Variants in MAP1LC3A observed in about 807,000 individuals in gnomAD.
MAP1LC3A encodes microtubule-associated protein 1 light chain 3 alpha.
In MAP1LC3A, 10 loss-of-function variants were observed where a neutral mutation model predicts 15.2. The ratio of observed to expected loss-of-function variants is 0.66; its 90% CI spans 0.41 to 1.12. MAP1LC3A has a LOEUF of 1.12. Ranked by LOEUF, MAP1LC3A falls within the 50% of genes most tolerant of loss-of-function variation. The probability of loss-of-function intolerance (pLI) is 0.00; values close to 1 mark genes in which losing one functional copy is unlikely to be tolerated. For missense variants in MAP1LC3A, 138 were observed against 167.3 expected, an observed-to-expected ratio of 0.82 and a Z score of 0.97; for synonymous variants, 63 against 64.3, an observed-to-expected ratio of 0.98 and a Z score of 0.10.
intron 1 of MAP1LC3A, among the ~76,000 whole-genome samples, chr20:34,548,408 G>A (rs189704692): frequency 4.3e-4 from 66 of 152,330 alleles, no homozygotes; most frequent in Middle Eastern, 3.4e-3. Flanking sequence ...TTGAGGTCAC[G>A]GAGGGAGAAG....
chr20:34,548,249 C>T (rs1187932688), intron 1 of MAP1LC3A, among the ~76,000 whole-genome samples: 1 of 152,206 alleles, frequency 6.6e-6, no homozygotes, highest in African/African-American at 2.4e-5. Flanking sequence ...GACCTGACAG[C>T]TGGAAGCCAA....
At chr20:34,558,554 CG>C, upstream of MAP1LC3A, 1 of 1,157,178 alleles carries the variant, frequency 8.6e-7, no homozygotes, top group African/African-American at 1.6e-5. The surrounding 1 kb of genome is among the most constrained non-coding windows in gnomAD (Gnocchi z 4.3). Flanking sequence ...CATGACGTCA[CG>C]GGACTGTGAC....
At chr20:34,550,400 A>G (rs1422410715) in intron 2 of MAP1LC3A, among the ~76,000 whole-genome samples, 1 of 152,188 alleles carries the variant, frequency 6.6e-6, no homozygotes, top group Non-Finnish European at 1.5e-5. Context: ...TGGAGAGATG[A>G]CTGTGGGGGC....
upstream of MAP1LC3A, among the ~76,000 whole-genome samples, chr20:34,556,547 A>G (rs747381607): frequency 4.8e-4 from 72 of 150,560 alleles, 1 homozygote; most frequent in Non-Finnish European, 9.7e-4. Flanking sequence ...ATGTCTCCCT[A>G]TGATGGAGGA....
chr20:34,559,273 G>A lies in MAP1LC3A; in HGVS notation c.96+10G>A, dbSNP rs1416271535. 1.3e-6 allele frequency: 2 copies of A among 1,599,166 alleles called. No individual in the cohort carries two copies. The highest frequency in any genetic ancestry group is 1.7e-5 in the Admixed American group (1 of 59,058). ...CCCCAGCAAAATCCCGGTGAGTCCC[G>A]CACCCCCAGCCCTGCCCCGCCCCCG... On this transcript the variant is annotated intron_variant, in intron 2 of 3. Transcript: ENST00000360668.
At chr20:34,550,530 C>T (rs1981910187) in intron 2 of MAP1LC3A, among the ~76,000 whole-genome samples, 1 of 152,164 alleles carries the variant, frequency 6.6e-6, no homozygotes, top group Non-Finnish European at 1.5e-5. Context: ...AGGGCTTGCA[C>T]TTTAGTGAGA....
chr20:34,558,597 T>G, upstream of MAP1LC3A: 1 of 1,200,068 alleles, frequency 8.3e-7, no homozygotes. This position sits in a 1 kb window ranked among gnomAD's most constrained non-coding sequence, Gnocchi z 4.3. Flanking sequence ...CGCGTCCCGG[T>G]CCGCGGACCC....
At chr20:34,555,736 T>G (rs1167684468), upstream of MAP1LC3A, among the ~76,000 whole-genome samples, 1 of 151,890 alleles carries the variant, frequency 6.6e-6, no homozygotes, top group Non-Finnish European at 1.5e-5. Context: ...ACTGCAGCCT[T>G]GAACTCTTGG....
chr20:34,547,377 T>G (rs1981774199), intron 1 of MAP1LC3A, among the ~76,000 whole-genome samples: 1 of 151,844 alleles, frequency 6.6e-6, no homozygotes, highest in Non-Finnish European at 1.5e-5. Context: ...TGGAATTTTT[T>G]TTTTAATTAA....
chr20:34,559,322 C>A, intron 2 of MAP1LC3A, 25 bp from the exon 3 acceptor site: 1 of 1,581,010 alleles, frequency 6.3e-7, no homozygotes, highest in Non-Finnish European at 8.6e-7. Flanking sequence ...CGACACGACC[C>A]CCTGCCCGCC....
intron 3 of MAP1LC3A, 23 bp from the exon 4 acceptor site, chr20:34,559,713 G>T (rs1170613783): frequency 1.9e-6 from 3 of 1,591,470 alleles, no homozygotes; most frequent in African/African-American, 2.7e-5. Context: ...CCTCACAGCT[G>T]CATACTCTCC....
chr20:34,551,467 C>CTTTTTTTTTTTTTTTTT (rs58191574), intron 2 of MAP1LC3A, among the ~76,000 whole-genome samples: 1 of 104,812 alleles, frequency 9.5e-6, no homozygotes, highest in Non-Finnish European at 1.9e-5. Context: ...GAACGCTGTC[C>CTTTTTTTTTTTTTTTTT]TTTTTTTTTT....
At position 34,559,925 on chromosome 20, in the gene MAP1LC3A, G is replaced by A; in HGVS notation, c.*27G>A. On this transcript the variant is annotated 3_prime_UTR_variant, in exon 4 of 4. Coordinates refer to ENST00000360668, the MANE Select transcript of MAP1LC3A (RefSeq NM_032514.4). ...CCAGCAGTAGGGGGGCTCGGCCTGG[G>A]AGTCGGGCGGCCCCGGTCAGGCCCT... 6.3e-7 allele frequency: 1 copy of A among 1,598,006 alleles called. No homozygotes were observed.
In MAP1LC3A at chr20:34,559,835, G is replaced by GGAGAA; in HGVS notation, c.304_308dup (p.Asp104ArgfsTer46). On this transcript the variant is annotated frameshift_variant, in exon 4 of 4. Transcript: ENST00000360668. LOFTEE classifies it high-confidence loss of function. ...CGCCCATCGCGGACATCTACGAGCA[G>GGAGAA]GAGAAAGACGAGGACGGCTTCCTCT... 1 of 1,614,094 alleles carries GGAGAA rather than the reference G, an allele frequency of 6.2e-7. No homozygotes were observed. The highest frequency in any genetic ancestry group is 8.5e-7 in the Non-Finnish European group (1 of 1,180,020).
chr20:34,558,668 G>A (rs1264586983), upstream of MAP1LC3A: 20 of 1,242,844 alleles, frequency 1.6e-5, 1 homozygote, highest in South Asian at 5.4e-4. This position sits in a 1 kb window ranked among gnomAD's most constrained non-coding sequence, Gnocchi z 4.3. Flanking sequence ...GGCCCAATGG[G>A]AGCGGCGCAC....
upstream of MAP1LC3A, among the ~76,000 whole-genome samples, chr20:34,556,424 T>A (rs942386775): frequency 6.6e-6 from 1 of 152,078 alleles, no homozygotes; most frequent in African/African-American, 2.4e-5. Context: ...GTTAAAAAAC[T>A]AACTGTCAGG....
upstream of MAP1LC3A, chr20:34,558,461 C>T (rs1350674167): frequency 2.0e-6 from 2 of 1,006,568 alleles, no homozygotes; most frequent in Non-Finnish European, 2.4e-6. The surrounding 1 kb of genome is among the most constrained non-coding windows in gnomAD (Gnocchi z 4.3). Flanking sequence ...GCCTGGCCCG[C>T]CCGCTCCATC....
chr20:34,551,236 ACT>A lies in MAP1LC3A; in HGVS notation c.52+1210_52+1211del, dbSNP rs148362001. On this transcript the variant is annotated intron_variant, in intron 2 of 4. Coordinates refer to the MAP1LC3A transcript ENST00000374837. ...CACTGCACTTCAGCCTGGGTGACAGACTCTGTCTCAAAAAAAAAAAAAGCCTA... is the reference window on the plus strand; with the variant it reads ...CACTGCACTTCAGCCTGGGTGACAGACTGTCTCAAAAAAAAAAAAAGCCTA... Among the ~76,000 whole-genome samples the A allele has an allele frequency of 1.6e-3, 233 of 149,296 alleles. 5 individuals are homozygous for A. In the East Asian group the frequency reaches 0.041, roughly 27 times the overall value.
At chr20:34,550,653 G>A (rs1370683957) in intron 2 of MAP1LC3A, among the ~76,000 whole-genome samples, 4 of 152,172 alleles carry the variant, frequency 2.6e-5, no homozygotes, top group East Asian at 3.8e-4. Flanking sequence ...AGGAGGCAGC[G>A]CACCTGGAAC....
Sources: allele counts gnomAD v4.1 joint callset (sites outside exome capture counted in the v4.1 genomes callset), GRCh38; gene constraint gnomAD v4.1.1; non-coding constraint Gnocchi (gnomAD v3.1); transcripts MANE v1.5; gene names NCBI Gene and HGNC (gene_info 2026-07-23, HGNC 2026-07-21).